TOP2B: variants seen among roughly 807,000 people sequenced by gnomAD.
The protein encoded by TOP2B is DNA topoisomerase II beta.
In TOP2B, 51 loss-of-function variants were observed where a neutral mutation model predicts 193.5. The ratio of observed to expected loss-of-function variants is 0.26; its 90% confidence interval spans 0.21 to 0.33. TOP2B has a LOEUF of 0.33. Ranked by LOEUF, TOP2B falls within the 10% of genes least tolerant of loss-of-function variation. The pLI is 1.00. For synonymous variants in TOP2B, 634 were observed against 635.7 expected (o/e 1.00, Z 0.04); for missense variants, 1,378 against 1,909.3 (o/e 0.72, Z 5.19).
intron 15 of TOP2B, 31 bp downstream of exon 15, chr3:25,628,816 A>G: frequency 7.8e-7 from 1 of 1,279,588 alleles, no homozygotes; most frequent in South Asian, 1.4e-5. Context: ...TTATATCAGT[A>G]TTTAAAATCT....
chr3:25,600,131 C>A (rs913008087), intron 34 of TOP2B, among the ~76,000 whole-genome samples: 1 of 152,158 alleles, frequency 6.6e-6, no homozygotes, highest in Non-Finnish European at 1.5e-5. Flanking sequence ...AGACTCAGCA[C>A]ATGCAGCATT....
At chr3:25,625,016 T>C (rs1200377113) in intron 18 of TOP2B, 2 of 396,138 alleles carry the variant, frequency 5.0e-6, no homozygotes, top group Non-Finnish European at 9.1e-6. Flanking sequence ...GATGTTTTTA[T>C]GCCATCTCCA....
Position 25,612,579 on chromosome 3 carries a change from C to T in TOP2B, c.3722G>A (p.Arg1241Lys). Reference protein sequence around the residue: ...EETMPSPYGRRIIPEITAMKA... With the variant: ...EETMPSPYGRKIIPEITAMKA... ...CATAGCTGTAATTTCAGGAATTATT[C>T]TTCTGCCATAAGGTGAGGGCATTGT... The change falls in exon 28 of 36, where the codon AGA becomes AAA. Residue 1241 changes from arginine (R) to lysine (K), a missense_variant. Arg to Lys is a conservative substitution (Grantham distance 26, BLOSUM62 2). This residue lies in a region of TOP2B where 556 missense variants were observed against 584.2 expected (regional missense o/e 0.95). Transcript: ENST00000264331. The T allele has an allele frequency of 6.2e-7, 1 of 1,612,926 alleles. No individual in the cohort carries two copies. The highest frequency in any genetic ancestry group is 8.5e-7 in the Non-Finnish European group (1 of 1,179,496).
intron 7 of TOP2B, among the ~76,000 whole-genome samples, chr3:25,634,804 A>AAAAAAC (rs1703060441): frequency 6.6e-6 from 1 of 151,618 alleles, no homozygotes; most frequent in South Asian, 2.1e-4. Context: ...AAAACCAAAA[A>AAAAAAC]AAGGCTTATT....
intron 10 of TOP2B, among the ~76,000 whole-genome samples, chr3:25,632,040 T>C (rs945873989): frequency 1.3e-5 from 2 of 152,036 alleles, no homozygotes; most frequent in Non-Finnish European, 2.9e-5. Flanking sequence ...TTTAAGAACA[T>C]GTAGAAAATA....
At chr3:25,644,688 G>A (rs536831136) in intron 2 of TOP2B, among the ~76,000 whole-genome samples, 21 of 142,968 alleles carry the variant, frequency 1.5e-4, no homozygotes, top group Middle Eastern at 3.4e-3. Flanking sequence ...GCGACAGAGC[G>A]AGACACGGGG....
At chr3:25,601,463 A>C (rs1258412836) in intron 33 of TOP2B, among the ~76,000 whole-genome samples, 1 of 151,724 alleles carries the variant, frequency 6.6e-6, no homozygotes, top group African/African-American at 2.4e-5. Flanking sequence ...TACTAAAAAT[A>C]AAAAAATTAG....
At chr3:25,633,053 T>C (rs1417583875) in intron 8 of TOP2B, among the ~76,000 whole-genome samples, 1 of 152,122 alleles carries the variant, frequency 6.6e-6, no homozygotes, top group East Asian at 1.9e-4. Flanking sequence ...CAACCAATTC[T>C]CTGATTCTCC....
Position 25,648,181 on chromosome 3 carries a change from T to C in TOP2B, c.70-2711A>G, listed in dbSNP as rs554789598. ...GAACAGGGTGCCAGGTTGAGGGCCA[T>C]TGAAAACAAAAGCAAAGTGCTTTGG... On this transcript the variant is annotated intron_variant, in intron 1 of 35. Transcript: ENST00000264331. Among the ~76,000 whole-genome samples, 25 of 152,314 alleles carry C rather than the reference T, an allele frequency of 1.6e-4. No homozygotes were observed. The East Asian group carries it at 3.9e-3, about 23-fold the overall frequency.
chr3:25,633,493 C>A (rs1403799197), intron 8 of TOP2B, among the ~76,000 whole-genome samples: 1 of 152,044 alleles, frequency 6.6e-6, no homozygotes, highest in African/African-American at 2.4e-5. Flanking sequence ...ATCACATAGC[C>A]ATAATTGATT....
Position 25,645,307 on chromosome 3 carries a change from A to G in TOP2B, c.233T>C (p.Leu78Ser), listed in dbSNP as rs1163325494. The change falls in exon 2 of 36, where the codon TTG becomes TCG. Residue 78 changes from leucine to serine, a missense_variant. By Grantham distance (145) the Leu-to-Ser change is moderately radical. Coordinates refer to ENST00000264331, the MANE Select transcript of TOP2B (RefSeq NM_001330700.2). The part of the protein sequence containing the change: ...PDTYIGSVEP[L>S]TQFMWVYDED... Reference sequence around the variant, plus strand: ...AATTTTAGCAATAATTACCTGCGTCAATGGCTCCACTGACCCAATATATGT... The same window carrying G: ...AATTTTAGCAATAATTACCTGCGTCGATGGCTCCACTGACCCAATATATGT... 1.3e-6 allele frequency: 2 copies of G among 1,572,418 alleles called. No individual in the cohort carries two copies. Among genetic ancestry groups the G allele is most frequent in the African/African-American group, 1.4e-5 (1 of 73,324 alleles).
intron 1 of TOP2B, among the ~76,000 whole-genome samples, chr3:25,655,414 C>A (rs1218041385): frequency 1.3e-5 from 2 of 152,240 alleles, no homozygotes; most frequent in Non-Finnish European, 1.5e-5. Context: ...CATTTCTACA[C>A]TGTTGGTGAG....
At chr3:25,663,226 A>C (rs2125415375) in intron 1 of TOP2B, among the ~76,000 whole-genome samples, 1 of 152,206 alleles carries the variant, frequency 6.6e-6, no homozygotes, top group Non-Finnish European at 1.5e-5. Flanking sequence ...ACTCACCCAA[A>C]CCTCACCCAA....
rs1251966122 is a variant in TOP2B, at chr3:25,643,365, C to T, written c.331+329G>A. 2.0e-5 allele frequency among the ~76,000 whole-genome samples: 3 copies of T among 152,134 alleles called. No individual in the cohort carries two copies. The South Asian group carries it at 6.2e-4, about 32-fold the overall frequency. Reference sequence around the variant, plus strand: ...AACTCAACGAATCTGCAAAATCAGTCCCTGTCATCTCCATATTCAAGATGA... The same window carrying T: ...AACTCAACGAATCTGCAAAATCAGTTCCTGTCATCTCCATATTCAAGATGA... On this transcript the variant is annotated intron_variant, in intron 3 of 35. Transcript: ENST00000264331.
chr3:25,652,163 T>C (rs545196527), intron 1 of TOP2B, among the ~76,000 whole-genome samples: 68 of 152,236 alleles, frequency 4.5e-4, no homozygotes, highest in African/African-American at 1.5e-3. Context: ...ACATTACAGT[T>C]CCCAAATTTA....
At chr3:25,630,204 C>A (rs963461593) in intron 12 of TOP2B, 50 bp from the exon 13 acceptor site, 3 of 1,522,318 alleles carry the variant, frequency 2.0e-6, no homozygotes, top group Non-Finnish European at 2.6e-6. Context: ...TTGAAATATA[C>A]GAGTCAGAAA....
intron 1 of TOP2B, among the ~76,000 whole-genome samples, chr3:25,653,039 T>C (rs976851567): frequency 4.6e-5 from 7 of 152,168 alleles, no homozygotes; most frequent in African/African-American, 1.2e-4. Flanking sequence ...TTAGATAACC[T>C]AGAAGAAATG....
chr3:25,632,800 GA>G lies in TOP2B; in HGVS notation c.1027-7del, dbSNP rs377277487. Reference sequence around the variant, plus strand: ...TAATCCACGTGCCGTCCACCCTAAAGAAAAAAAAATATATGAAATCTGAAAT... The same window carrying G: ...TAATCCACGTGCCGTCCACCCTAAAGAAAAAAAATATATGAAATCTGAAAT... On this transcript the variant is annotated splice_region_variant and splice_polypyrimidine_tract_variant and intron_variant, in intron 8 of 35. Transcript: ENST00000264331. The G allele has an allele frequency of 1.3e-3, 2,119 of 1,580,218 alleles. 16 individuals carry two copies. The African/African-American group carries it at 0.02, about 15-fold the overall frequency.
Position 25,624,345 on chromosome 3 carries a change from T to G in TOP2B, c.2447A>C (p.His816Pro). ...QPIGQFGTRL[H>P]GGKDAASPRY... ...AGGGCTTGCAGCATCTTTGCCACCA[T>G]GAAGCCGAGTTCCAAACTGACCAAT... Residue 816 changes from histidine (H) to proline (P), a missense_variant, in exon 20 of 36, where the codon CAT becomes CCT. Transcript: ENST00000264331. 2 of 1,613,970 alleles carry G rather than the reference T, an allele frequency of 1.2e-6. No homozygotes were observed. Among genetic ancestry groups the G allele is most frequent in the Non-Finnish European group, 1.7e-6 (2 of 1,179,858 alleles).
Sources: allele counts gnomAD v4.1 joint callset (sites outside exome capture counted in the v4.1 genomes callset), GRCh38; gene constraint gnomAD v4.1.1; regional missense constraint gnomAD v4.1.1; transcripts MANE v1.5; gene names NCBI Gene and HGNC (gene_info 2026-07-23, HGNC 2026-07-21).